The following PCDHA5 variants were observed in gnomAD, a reference collection of about 807,000 sequenced individuals.
PCDHA5 encodes protocadherin alpha-5.
Under a neutral mutation model 61.6 loss-of-function variants are expected in PCDHA5, and 43 were observed. The ratio of observed to expected loss-of-function variants is 0.70; its 90% CI spans 0.55 to 0.90. The LOEUF is 0.90. Ranked by LOEUF, PCDHA5 falls within the 40% of genes least tolerant of loss-of-function variation. The pLI is 0.00. For missense variants in PCDHA5, 1,298 were observed against 1,222.7 expected, an observed-to-expected ratio of 1.06 and a Z score of -0.92; for synonymous variants, 627 against 543.9, an observed-to-expected ratio of 1.15 and a Z score of -2.13.
chr5:140,840,439 A>G (rs1776702337), intron 1 of PCDHA5, among the ~76,000 whole-genome samples: 1 of 151,972 alleles, frequency 6.6e-6, no homozygotes, highest in Non-Finnish European at 1.5e-5. Context: ...AAGCCGTGGA[A>G]ATAGAAACGT....
At chr5:140,875,242 T>A in intron 1 of PCDHA5, 1 of 943,028 alleles carries the variant, frequency 1.1e-6, no homozygotes, top group Non-Finnish European at 1.5e-6. Flanking sequence ...TGTACTTACA[T>A]AATCAGTCAC....
chr5:141,002,099 GC>G (rs1399073427), intron 3 of PCDHA5, among the ~76,000 whole-genome samples: 9 of 152,362 alleles, frequency 5.9e-5, no homozygotes, highest in Non-Finnish European at 1.2e-4. Flanking sequence ...CAGGGGCTGG[GC>G]CGGAAACGGC....
intron 1 of PCDHA5, chr5:140,842,691 A>C: frequency 1.9e-6 from 3 of 1,595,350 alleles, no homozygotes; most frequent in Non-Finnish European, 2.6e-6. Flanking sequence ...GCGTTCGCGC[A>C]GCCCGAGTAC....
intron 1 of PCDHA5, chr5:140,966,455 C>T (rs376758355): frequency 4.7e-6 from 2 of 426,810 alleles, no homozygotes; most frequent in East Asian, 3.5e-5. Flanking sequence ...CCCCCTCCCC[C>T]TCTGTCTTCC....
chr5:140,842,711 G>A lies in PCDHA5; in HGVS notation c.2352+18584G>A, dbSNP rs1554139301. ...CGCGCAGCCCGAGTACACGGTGTTC[G>A]TGAAGGAGAACAACCCGCCGGGCTG... On this transcript the variant is annotated intron_variant, in intron 1 of 3. Coordinates refer to ENST00000529859, the MANE Select transcript of PCDHA5 (RefSeq NM_018908.3). The A allele has an allele frequency of 2.5e-6, 4 of 1,595,274 alleles. No individual in the cohort carries two copies. The South Asian group carries it at 4.4e-5, about 18-fold the overall frequency.
chr5:140,920,630 G>A (rs937787340), intron 1 of PCDHA5, among the ~76,000 whole-genome samples: 1 of 152,060 alleles, frequency 6.6e-6, no homozygotes, highest in Non-Finnish European at 1.5e-5. Flanking sequence ...TGGATCACAA[G>A]GTCAAGAGAT....
At chr5:140,927,808 T>A (rs782535814) in intron 1 of PCDHA5, 1 of 1,614,208 alleles carries the variant, frequency 6.2e-7, no homozygotes, top group African/African-American at 1.3e-5. Context: ...TGAAACGCTC[T>A]TGGAGGCATA....
Position 140,822,414 on chromosome 5 carries a change from A to T in PCDHA5, c.639A>T (p.Ala213=). 1.2e-6 allele frequency: 2 copies of T among 1,614,090 alleles called. No individual in the cohort carries two copies. The highest frequency in any genetic ancestry group is 1.7e-6 in the Non-Finnish European group (2 of 1,180,034). The change falls in exon 1 of 4, where the codon GCA becomes GCT. Residue 213 remains alanine (A), a synonymous_variant. Transcript: ENST00000529859. ...ETQEHRLLVI[A]TDGGKPELTG... ...AAGAACACCGTTTATTAGTGATTGC[A>T]ACTGATGGAGGAAAACCCGAACTAA... is the stretch of plus-strand genomic sequence containing the variant.
In PCDHA5 at chr5:140,876,858, G is replaced by A. The variant is rs201724019; in HGVS notation, c.2352+52731G>A. The A allele has an allele frequency of 1.3e-4, 215 of 1,614,152 alleles. No homozygotes were observed. In the East Asian group the frequency reaches 3.0e-3, roughly 22 times the overall value. ...CGTTCGCGCAGCCCGAGTACACAGT[G>A]TTCGTGAAGGAGAACAACCCGCCGG... On this transcript the variant is annotated intron_variant, in intron 1 of 3. Transcript: ENST00000529859.
Position 140,846,956 on chromosome 5 carries a change from G to A in PCDHA5, c.2352+22829G>A, listed in dbSNP as rs144830979. On this transcript the variant is annotated intron_variant, in intron 1 of 3. Transcript: ENST00000529859. ...AGAAATACTTGAAGGGGCATGGTGT[G>A]TTTCAGTGGTTTTAAAATAAGTAAG... 2.7e-5 allele frequency among the ~76,000 whole-genome samples: 4 copies of A among 149,688 alleles called. No individual in the cohort carries two copies. In the East Asian group the frequency reaches 7.8e-4, roughly 29 times the overall value.
chr5:140,878,079 T>C (rs1453461494), intron 1 of PCDHA5: 1 of 346,026 alleles, frequency 2.9e-6, no homozygotes, highest in Non-Finnish European at 4.9e-6. Context: ...TTTTCTATAA[T>C]ATTTTATATG....
Position 140,822,479 on chromosome 5 carries a change from A to C in PCDHA5, c.704A>C (p.Asn235Thr). ...TTGTTGATCAATGTATTGGATGCTA[A>C]TGATAACGCCCCAGAATTTGATAAA... Reference protein sequence around the residue: ...VQLLINVLDANDNAPEFDKSI... With the variant: ...VQLLINVLDATDNAPEFDKSI... The change falls in exon 1 of 4, where the codon AAT becomes ACT. Residue 235 changes from asparagine (N) to threonine (T), a missense_variant. Coordinates refer to ENST00000529859, the MANE Select transcript of PCDHA5 (RefSeq NM_018908.3). 1 of 1,613,856 alleles carries C rather than the reference A, an allele frequency of 6.2e-7. No homozygotes were observed. Among genetic ancestry groups the C allele is most frequent in the East Asian group, 2.2e-5 (1 of 44,878 alleles).
chr5:140,973,486 C>G (rs1404281642), intron 1 of PCDHA5, among the ~76,000 whole-genome samples: 1 of 152,162 alleles, frequency 6.6e-6, no homozygotes, highest in African/African-American at 2.4e-5. Context: ...ATATTGGTCA[C>G]AGGACTCTTC....
At chr5:140,986,398 G>C (rs973049448) in intron 3 of PCDHA5, among the ~76,000 whole-genome samples, 1 of 152,174 alleles carries the variant, frequency 6.6e-6, no homozygotes, top group Non-Finnish European at 1.5e-5. Context: ...AGGGCCAGTC[G>C]CTCATGTTAC....
chr5:140,856,885 AT>A lies in PCDHA5; in HGVS notation c.2352+32761del, dbSNP rs781799139. 34 of 1,596,494 alleles carry A rather than the reference AT, an allele frequency of 2.1e-5. 3 individuals carry two copies. Among genetic ancestry groups the A allele is most frequent in the Non-Finnish European group, 2.9e-5 (34 of 1,166,312 alleles). ...GAATAAACAAGGAAATGATGTATTC[AT>A]TTAGCTCTTTGGTCCCACCCACGAT... On this transcript the variant is annotated intron_variant, in intron 1 of 3. Transcript: ENST00000529859.
intron 1 of PCDHA5, chr5:140,883,659 T>A (rs2059734857): frequency 6.2e-7 from 1 of 1,612,766 alleles, no homozygotes. Flanking sequence ...ACGGTGTTCG[T>A]GAAGGAAAAC....
rs2150492048 is a variant in PCDHA5, at chr5:140,850,648, A to T, written c.2352+26521A>T. The T allele has an allele frequency of 6.9e-6, 11 of 1,598,398 alleles. No individual in the cohort carries two copies. In the South Asian group the frequency reaches 1.1e-4, roughly 16 times the overall value. On this transcript the variant is annotated intron_variant, in intron 1 of 3. Coordinates refer to ENST00000529859, the MANE Select transcript of PCDHA5 (RefSeq NM_018908.3). ...CTGTTGGTTCTCACGCTGCTGCTGT[A>T]CACTGTGCTGCGGTGCTCGGCGATG...
chr5:140,946,763 C>T (rs1453017337), intron 1 of PCDHA5, among the ~76,000 whole-genome samples: 1 of 151,160 alleles, frequency 6.6e-6, no homozygotes, highest in Non-Finnish European at 1.5e-5. Context: ...TGATCTCATT[C>T]ATGTGGAATG....
intron 1 of PCDHA5, among the ~76,000 whole-genome samples, chr5:140,936,532 A>G (rs1431070462): frequency 6.6e-6 from 1 of 152,222 alleles, no homozygotes; most frequent in East Asian, 1.9e-4. Context: ...ATTGCTTTTG[A>G]ATATAGTGCA....
Sources: allele counts gnomAD v4.1 joint callset (sites outside exome capture counted in the v4.1 genomes callset), GRCh38; gene constraint gnomAD v4.1.1; transcripts MANE v1.5; gene names NCBI Gene and HGNC (gene_info 2026-07-23, HGNC 2026-07-21).